The following RGS10 variants were observed in gnomAD, a reference collection of about 807,000 sequenced individuals.
The protein encoded by RGS10 is regulator of G protein signaling 10.
Under a neutral mutation model 23.5 loss-of-function variants are expected in RGS10, and 11 were observed. That is an observed-to-expected ratio of 0.47 (90% CI 0.29 to 0.77). The LOEUF (loss-of-function observed/expected upper bound fraction) is 0.77. Among genes scored for constraint, RGS10 ranks in the 30% least tolerant of loss-of-function variants. The probability of loss-of-function intolerance (pLI) is 0.08; values close to 1 mark genes in which losing one functional copy is unlikely to be tolerated. For missense variants in RGS10, 180 were observed against 226.3 expected (o/e 0.80, Z 1.31); for synonymous variants, 77 against 83.2 (o/e 0.92, Z 0.41).
At chr10:119,540,164 G>A (rs1212866053) in intron 1 of RGS10, among the ~76,000 whole-genome samples, 1 of 152,118 alleles carries the variant, frequency 6.6e-6, no homozygotes, top group Non-Finnish European at 1.5e-5. Context: ...AGAAAATCAG[G>A]CTATTGGAGT....
chr10:119,514,483 C>T (rs1284222435), intron 4 of RGS10, among the ~76,000 whole-genome samples: 4 of 151,882 alleles, frequency 2.6e-5, no homozygotes, highest in Admixed American at 6.6e-5. Flanking sequence ...CATGGTGAAA[C>T]CCTGTCTCTA....
chr10:119,515,429 C>A (rs564054094), intron 4 of RGS10, 80 bp downstream of exon 4: 12 of 1,542,910 alleles, frequency 7.8e-6, no homozygotes, highest in Admixed American at 1.7e-5. Flanking sequence ...AGTCTAACAT[C>A]GGGTGTTTCA....
At chr10:119,500,530 G>GTACCTGTGTACA (rs1397345108) in intron 4 of RGS10, among the ~76,000 whole-genome samples, 1 of 151,894 alleles carries the variant, frequency 6.6e-6, no homozygotes, top group Non-Finnish European at 1.5e-5. Context: ...ACACAGCACT[G>GTACCTGTGTACA]ATTCAGACCC....
intron 3 of RGS10, among the ~76,000 whole-genome samples, chr10:119,519,163 C>T (rs1439747872): frequency 6.6e-6 from 1 of 152,212 alleles, no homozygotes; most frequent in Non-Finnish European, 1.5e-5. Context: ...CTCAGACCTT[C>T]CTCTGGAGTG....
In RGS10 at chr10:119,517,600, G is replaced by C. The variant is rs961074811; in HGVS notation, c.256-1948C>G. On this transcript the variant is annotated intron_variant, in intron 3 of 4. Coordinates refer to ENST00000369103, the MANE Select transcript of RGS10 (RefSeq NM_001005339.2). The surrounding 1 kb of genome is among the most constrained non-coding windows in gnomAD (Gnocchi z 5.0). Reference sequence around the variant, plus strand: ...AAAGGAGAATTTCGGCCAGGCAGATGAGCAAACTCCATGCAGAGGTCTGGG... The same window carrying C: ...AAAGGAGAATTTCGGCCAGGCAGATCAGCAAACTCCATGCAGAGGTCTGGG... 8.5e-5 allele frequency among the ~76,000 whole-genome samples: 13 copies of C among 152,222 alleles called. No homozygotes were observed. Among genetic ancestry groups the C allele is most frequent in the African/African-American group, 3.1e-4 (13 of 41,458 alleles).
At chr10:119,530,519 T>C (rs1564715461) in intron 1 of RGS10, among the ~76,000 whole-genome samples, 1 of 151,966 alleles carries the variant, frequency 6.6e-6, no homozygotes, top group Non-Finnish European at 1.5e-5. Flanking sequence ...TGGGACCCCA[T>C]CTCTATAAAA....
chr10:119,528,341 T>G (rs1844299847), intron 1 of RGS10, among the ~76,000 whole-genome samples: 1 of 151,892 alleles, frequency 6.6e-6, no homozygotes, highest in South Asian at 2.1e-4. Flanking sequence ...CCTCAGGCAA[T>G]ACTTTTTCAA....
intron 4 of RGS10, among the ~76,000 whole-genome samples, chr10:119,504,054 C>T (rs546657775): frequency 1.3e-5 from 2 of 152,350 alleles, no homozygotes; most frequent in African/African-American, 4.8e-5. Flanking sequence ...CTGCCACTCG[C>T]ATGGCAGGAC....
chr10:119,535,637 A>T (rs996173443), intron 1 of RGS10, among the ~76,000 whole-genome samples: 9 of 152,320 alleles, frequency 5.9e-5, no homozygotes, highest in African/African-American at 2.2e-4. Flanking sequence ...TCCTGCATAG[A>T]CAATTTCTCC....
rs933220002 is a variant in RGS10, at chr10:119,529,979, C to T, written c.50-2555G>A. On this transcript the variant is annotated intron_variant, in intron 1 of 4. Transcript: ENST00000369103. ...TGGTGGTGGATGTCTGTAATCCCAG[C>T]TACCAGGGAGGCTAAGGCAGGCGAA... 5.3e-5 allele frequency among the ~76,000 whole-genome samples: 8 copies of T among 152,206 alleles called. No homozygotes were observed. In the South Asian group the frequency reaches 1.0e-3, roughly 20 times the overall value.
At chr10:119,520,768 T>A (rs1844202941) in intron 3 of RGS10, among the ~76,000 whole-genome samples, 2 of 131,824 alleles carry the variant, frequency 1.5e-5, no homozygotes, top group African/African-American at 3.0e-5. Context: ...CAGAAAAAAC[T>A]CAATAGGAGG....
At chr10:119,514,214 G>A (rs555504913) in intron 4 of RGS10, among the ~76,000 whole-genome samples, 31 of 151,870 alleles carry the variant, frequency 2.0e-4, no homozygotes, top group African/African-American at 6.8e-4. Context: ...AAAATTAGCC[G>A]GGCGTGGTGG....
At chr10:119,507,783 C>T (rs1807933603) in intron 4 of RGS10, among the ~76,000 whole-genome samples, 1 of 151,966 alleles carries the variant, frequency 6.6e-6, no homozygotes, top group African/African-American at 2.4e-5. Context: ...CGGGGTTTCA[C>T]CACGTTGGCC....
chr10:119,531,370 C>T (rs1844328032), intron 1 of RGS10, among the ~76,000 whole-genome samples: 1 of 152,194 alleles, frequency 6.6e-6, no homozygotes, highest in African/African-American at 2.4e-5. Flanking sequence ...AAACTCTTGA[C>T]ATTCTTTTCC....
rs532743783 is a variant in RGS10, at chr10:119,524,708, G to A, written c.255+1324C>T. ...CTCTGCCCAGGAGGCTCCGGCCAAC[G>A]TCATCCAGAGGAGAGAAAAAGCCAG... is the stretch of plus-strand genomic sequence containing the variant. On this transcript the variant is annotated intron_variant, in intron 3 of 4. Coordinates refer to ENST00000369103, the MANE Select transcript of RGS10 (RefSeq NM_001005339.2). The surrounding 1 kb of genome is among the most constrained non-coding windows in gnomAD (Gnocchi z 5.2). Among the ~76,000 whole-genome samples, 28 of 152,188 alleles carry A rather than the reference G, an allele frequency of 1.8e-4. No individual in the cohort carries two copies. The East Asian group carries it at 2.1e-3, about 12-fold the overall frequency.
intron 4 of RGS10, among the ~76,000 whole-genome samples, chr10:119,511,509 C>T (rs368148807): frequency 6.6e-6 from 1 of 152,134 alleles, no homozygotes; most frequent in Non-Finnish European, 1.5e-5. Flanking sequence ...ATCCCAGCTA[C>T]TCAGGAGGCT....
intron 1 of RGS10, among the ~76,000 whole-genome samples, chr10:119,529,429 G>C (rs756386491): frequency 2.6e-5 from 4 of 152,270 alleles, no homozygotes; most frequent in African/African-American, 7.2e-5. Flanking sequence ...ACTCTAGTCT[G>C]GGTGACAAGA....
At position 119,519,710 on chromosome 10, in the gene RGS10, C is replaced by T. The variant is rs28735292; in HGVS notation, c.256-4058G>A. The stretch of plus-strand genomic sequence containing the variant: ...GCTCCTGTCTCCCTGTGTCTGTCCC[C>T]CAGCTCCTGTCTCCCTGTCTGTCCC... On this transcript the variant is annotated intron_variant, in intron 3 of 4. Coordinates refer to ENST00000369103, the MANE Select transcript of RGS10 (RefSeq NM_001005339.2). Among the ~76,000 whole-genome samples the T allele has an allele frequency of 6.9e-3, 914 of 132,448 alleles. 50 individuals are homozygous for T. Among genetic ancestry groups the T allele is most frequent in the East Asian group, 0.066 (221 of 3,346 alleles). 86.9% of individuals were successfully genotyped at this position (132,448 alleles called of 152,430 possible). A position where few individuals can be genotyped will look rare whatever the true frequency, so the allele number is the denominator to read the frequency against.
chr10:119,505,607 G>C (rs1317070664), intron 4 of RGS10, among the ~76,000 whole-genome samples: 1 of 152,010 alleles, frequency 6.6e-6, no homozygotes, highest in Admixed American at 6.6e-5. Flanking sequence ...GGCTGAGCAG[G>C]ATTTGCCTTC....
Sources: allele counts gnomAD v4.1 joint callset (sites outside exome capture counted in the v4.1 genomes callset), GRCh38; gene constraint gnomAD v4.1.1; non-coding constraint Gnocchi (gnomAD v3.1); transcripts MANE v1.5; gene names NCBI Gene and HGNC (gene_info 2026-07-23, HGNC 2026-07-21).